The following ADGRF3 variants were observed in gnomAD, a reference collection of about 807,000 sequenced individuals.
ADGRF3 encodes the protein G protein-coupled receptor 113.
In ADGRF3, 85 loss-of-function variants were observed where a neutral mutation model predicts 93.2. That is an observed-to-expected ratio of 0.91 (90% CI 0.77 to 1.09). The LOEUF (loss-of-function observed/expected upper bound fraction) is 1.09. Ranked by LOEUF, ADGRF3 falls within the 50% of genes least tolerant of loss-of-function variation. The probability of loss-of-function intolerance (pLI) is 0.00; values close to 1 mark genes in which losing one functional copy is unlikely to be tolerated. For missense variants in ADGRF3, 1,125 were observed against 1,246.2 expected (o/e 0.90, Z 1.46); for synonymous variants, 534 against 532.5 (o/e 1.00, Z -0.04).
At chr2:26,317,095 G>C in intron 2 of ADGRF3, 40 bp from the exon 3 acceptor site, 1 of 1,561,736 alleles carries the variant, frequency 6.4e-7, no homozygotes, top group South Asian at 1.2e-5. Context: ...GACAGGCAGC[G>C]AGGCCACAAG....
chr2:26,309,688 GCTGCAGGAATCCT>G, intron 12 of ADGRF3, 107 bp from the exon 13 acceptor site: 1 of 1,437,100 alleles, frequency 7.0e-7, no homozygotes, highest in Non-Finnish European at 9.5e-7. Flanking sequence ...TCCTGCCTGT[GCTGCAGGAATCCT>G]AGAAATTTTG....
Position 26,315,751 on chromosome 2 carries a change from G to A in ADGRF3, c.500-11C>T. 1 of 1,550,956 alleles carries A rather than the reference G, an allele frequency of 6.4e-7. No homozygotes were observed. Among genetic ancestry groups the A allele is most frequent in the Non-Finnish European group, 8.7e-7 (1 of 1,146,966 alleles). On this transcript the variant is annotated splice_polypyrimidine_tract_variant and intron_variant, in intron 4 of 13. Transcript: ENST00000651242. ...TGAGGATCCCGGGGACTGCAGGGAGGCAGGTGACAGGGGACCCTGGAGGAG... is the reference window on the plus strand; with the variant it reads ...TGAGGATCCCGGGGACTGCAGGGAGACAGGTGACAGGGGACCCTGGAGGAG...
In ADGRF3 at chr2:26,311,511, G is replaced by A. The variant is rs1674128716; in HGVS notation, c.2013C>T (p.Ala671=). 1.2e-6 allele frequency: 2 copies of A among 1,613,886 alleles called. No individual in the cohort carries two copies. Among genetic ancestry groups the A allele is most frequent in the South Asian group, 1.1e-5 (1 of 91,094 alleles). ...GGCACTGAGCAGTGGGGCTGGCACT[G>A]GCCACCTGTGCCTGGCACCCTTCTT... ...WSKEGCQAQV[A]SASPTAQCLC... is the part of the protein sequence containing the mutation. The change falls in exon 10 of 14, where the codon GCC becomes GCT. Residue 671 remains alanine, a synonymous_variant. Coordinates refer to ENST00000651242, the MANE Select transcript of ADGRF3 (RefSeq NM_001321971.2).
chr2:26,346,070 AG>A (rs898438317), intron 1 of ADGRF3, 50 bp downstream of exon 1: 4 of 1,515,544 alleles, frequency 2.6e-6, no homozygotes, highest in East Asian at 4.9e-5. Flanking sequence ...AGGCGGCCGA[AG>A]GGGCCGAGGC....
chr2:26,316,108 C>T (rs1674630466), intron 4 of ADGRF3, 167 bp downstream of exon 4: 1 of 703,692 alleles, frequency 1.4e-6, no homozygotes, highest in Non-Finnish European at 2.3e-6. Flanking sequence ...ACTCAGGTTC[C>T]AAGCTCAGGG....
chr2:26,333,173 G>A (rs1574728106), intron 1 of ADGRF3, among the ~76,000 whole-genome samples: 1 of 151,898 alleles, frequency 6.6e-6, no homozygotes, highest in East Asian at 2.0e-4. Context: ...ACCATTCACA[G>A]TGCTCTTTGG....
Position 26,346,643 on chromosome 2 carries a change from GTT to G in ADGRF3, c.-411_-410del, listed in dbSNP as rs1368764453. 1.7e-5 allele frequency: 3 copies of G among 178,088 alleles called. No homozygotes were observed. Among genetic ancestry groups the G allele is most frequent in the Non-Finnish European group, 2.4e-5 (2 of 84,656 alleles). The allele number at this position is 178,088 out of a possible 1,614,324, so 11.0% of individuals were successfully genotyped here. A position where few individuals can be genotyped will look rare whatever the true frequency, so the allele number is the denominator to read the frequency against. On this transcript the variant is annotated 5_prime_UTR_variant, in exon 1 of 14. The change abolishes the stop of an existing upstream ORF in the 5' untranslated region. Coordinates refer to ENST00000651242, the MANE Select transcript of ADGRF3 (RefSeq NM_001321971.2). Reference sequence around the variant, plus strand: ...TGTCAATCGCCTTCATTTTAGTGAAGTTTCCACTCGCCTGTCATGCATACAAC... The same window carrying G: ...TGTCAATCGCCTTCATTTTAGTGAAGTCCACTCGCCTGTCATGCATACAAC...
chr2:26,311,545 C>A lies in ADGRF3; in HGVS notation c.1979G>T (p.Gly660Val), dbSNP rs766123061. Residue 660 changes from glycine (G) to valine (V), a missense_variant, in exon 10 of 14, where the codon GGT (glycine) becomes GTT (valine). Physicochemically the swap from Gly to Val is moderately radical, Grantham distance 109. Coordinates refer to ENST00000651242, the MANE Select transcript of ADGRF3 (RefSeq NM_001321971.2). ...TGCCTGGCACCCTTCTTTGGACCAA[C>A]CCCCCCTGCCCTGGAAGAGACTGTG... ...WDHSLFQGRG[G>V]WSKEGCQAQV... is the part of the protein sequence containing the mutation. 6.2e-7 allele frequency: 1 copy of A among 1,613,390 alleles called. No homozygotes were observed. Among genetic ancestry groups the A allele is most frequent in the African/African-American group, 1.3e-5 (1 of 74,890 alleles).
At chr2:26,313,636 A>C (rs984251608) in intron 7 of ADGRF3, 63 bp from the exon 8 acceptor site, 49 of 1,566,980 alleles carry the variant, frequency 3.1e-5, no homozygotes, top group Admixed American at 3.7e-5. Flanking sequence ...CTCCTTGGGC[A>C]GAACCCTATG....
In ADGRF3 at chr2:26,336,492, G is replaced by A. The variant is rs1015620522; in HGVS notation, c.114+9629C>T. 4.6e-5 allele frequency among the ~76,000 whole-genome samples: 7 copies of A among 151,858 alleles called. No individual in the cohort carries two copies. The East Asian group carries it at 5.8e-4, about 13-fold the overall frequency. On this transcript the variant is annotated intron_variant, in intron 1 of 13. Transcript: ENST00000651242. Reference sequence around the variant, plus strand: ...TGTAATCCAAGCACTTTGGGAGACCGAGATGGGTGAATCACTTGAGGTCAG... The same window carrying A: ...TGTAATCCAAGCACTTTGGGAGACCAAGATGGGTGAATCACTTGAGGTCAG...
chr2:26,346,109 C>G lies in ADGRF3; in HGVS notation c.114+12G>C. ...CTACGCGTGCGCGGTGGGCGGAGCG[C>G]GGCTCTCCTACCTTCTCGGGCAGCC... On this transcript the variant is annotated intron_variant, in intron 1 of 13. Coordinates refer to ENST00000651242, the MANE Select transcript of ADGRF3 (RefSeq NM_001321971.2). 2 of 1,568,870 alleles carry G rather than the reference C, an allele frequency of 1.3e-6. No individual in the cohort carries two copies. The highest frequency in any genetic ancestry group is 1.7e-6 in the Non-Finnish European group (2 of 1,159,294).
At chr2:26,314,353 C>T in intron 6 of ADGRF3, 61 bp downstream of exon 6, 1 of 1,482,026 alleles carries the variant, frequency 6.7e-7, no homozygotes. Context: ...GACCCAGCTG[C>T]CTGGAAGAGA....
At chr2:26,310,271 G>T in intron 10 of ADGRF3, 34 bp from the exon 11 acceptor site, 1 of 1,612,158 alleles carries the variant, frequency 6.2e-7, no homozygotes, top group South Asian at 1.1e-5. Context: ...AGCTGGTCAA[G>T]GAGGAAGGGA....
rs763702605 is a variant in ADGRF3 at position 26,310,088 on chromosome 2, G to A, written c.2892C>T (p.Arg964=). The A allele has an allele frequency of 1.1e-5, 17 of 1,613,952 alleles. No homozygotes were observed. In the South Asian group the frequency reaches 1.8e-4, roughly 17 times the overall value. The change falls in exon 12 of 14, where the codon CGC becomes CGT. Residue 964 remains arginine, a synonymous_variant. Coordinates refer to ENST00000651242, the MANE Select transcript of ADGRF3 (RefSeq NM_001321971.2). ...GGGCTTGGGCGCGGCAGAAGCGTTT[G>A]CGCAAAGCTTCTTGTATCTGCGGGA... The part of the protein sequence containing the change: ...LMDRKIQEAL[R]KRFCRAQAPS...
At chr2:26,309,925 A>C (rs1673902762) in intron 12 of ADGRF3, 118 bp downstream of exon 12, 1 of 1,604,952 alleles carries the variant, frequency 6.2e-7, no homozygotes, top group Non-Finnish European at 8.5e-7. Flanking sequence ...TCATTCTAAA[A>C]AACAACCCCA....
Position 26,313,410 on chromosome 2 carries a change from A to T in ADGRF3, c.1236T>A (p.Asp412Glu), listed in dbSNP as rs1423628226. The change falls in exon 8 of 14, where the codon GAT (aspartate) becomes GAA (glutamate). Residue 412 changes from aspartate (D) to glutamate (E), a missense_variant. Asp to Glu is a conservative substitution (Grantham distance 45). Coordinates refer to ENST00000651242, the MANE Select transcript of ADGRF3 (RefSeq NM_001321971.2). ...TAGTGAACAAGGCCAGGAGCCTCGC[A>T]TCTGTGCAGCTGCTGTGGACCGGCC... ...VWGPVHSSCT[D>E]ARLLALFTRT... The T allele has an allele frequency of 5.6e-6, 9 of 1,606,382 alleles. No individual in the cohort carries two copies.
In ADGRF3 at chr2:26,311,297, C is replaced by T. The variant is rs1271479563; in HGVS notation, c.2227G>A (p.Ala743Thr). Residue 743 changes from alanine to threonine, a missense_variant, in exon 10 of 14, where the codon GCC (alanine) becomes ACC (threonine). By Grantham distance (58) the Ala-to-Thr change is moderately conservative. Coordinates refer to ENST00000651242, the MANE Select transcript of ADGRF3 (RefSeq NM_001321971.2). ...AAGCAGAACACCATGTTGAGCAGGG[C>T]GGCGTGGCGGAAATAGGAGATCTTG... ...RNKISYFRHA[A>T]LLNMVFCLLA... 5 of 1,613,670 alleles carry T rather than the reference C, an allele frequency of 3.1e-6. No individual in the cohort carries two copies. The Admixed American group carries it at 6.7e-5, about 22-fold the overall frequency.
chr2:26,313,888 T>A lies in ADGRF3; in HGVS notation c.944A>T (p.Glu315Val). 6.2e-7 allele frequency: 1 copy of A among 1,613,974 alleles called. No individual in the cohort carries two copies. The highest frequency in any genetic ancestry group is 8.5e-7 in the Non-Finnish European group (1 of 1,179,898). The change falls in exon 7 of 14, where the codon GAG (glutamate) becomes GTG (valine). Residue 315 changes from glutamate (E) to valine (V), a missense_variant. Coordinates refer to ENST00000651242, the MANE Select transcript of ADGRF3 (RefSeq NM_001321971.2). ...GEGSKASSFN[E>V]SGSQCFVLAV... The stretch of plus-strand genomic sequence containing the variant: ...CAGCACAAAGCACTGAGAGCCTGAC[T>A]CGTTGAAGGAGGAAGCTGAAGGCAA...
intron 1 of ADGRF3, among the ~76,000 whole-genome samples, chr2:26,322,360 C>G (rs1461688007): frequency 6.6e-6 from 1 of 151,888 alleles, no homozygotes; most frequent in Non-Finnish European, 1.5e-5. Flanking sequence ...CGTATTCCAC[C>G]CCCAAAACAT....
Sources: allele counts gnomAD v4.1 joint callset (sites outside exome capture counted in the v4.1 genomes callset), GRCh38; gene constraint gnomAD v4.1.1; transcripts MANE v1.5; gene names NCBI Gene and HGNC (gene_info 2026-07-23, HGNC 2026-07-21).